The following ELL variants were observed in gnomAD, a reference collection of about 807,000 sequenced individuals.
The protein encoded by ELL is RNA polymerase II elongation factor ELL.
A neutral mutation model predicts 64.0 loss-of-function variants in ELL; 18 were observed. The ratio of observed to expected loss-of-function variants is 0.28; its 90% confidence interval spans 0.19 to 0.42. The LOEUF (loss-of-function observed/expected upper bound fraction) is 0.42, where lower values mean the gene tolerates loss of function less well. Among genes scored for constraint, ELL ranks in the 10% least tolerant of loss-of-function variants. The probability of loss-of-function intolerance (pLI) is 1.00; values close to 1 mark genes in which losing one functional copy is unlikely to be tolerated. For missense variants in ELL, 797 were observed against 870.4 expected (o/e 0.92, Z 1.06); for synonymous variants, 399 against 376.2 (o/e 1.06, Z -0.70).
At chr19:18,504,455 C>A (rs1205724466) in intron 1 of ELL, among the ~76,000 whole-genome samples, 2 of 152,194 alleles carry the variant, frequency 1.3e-5, no homozygotes, top group African/African-American at 4.8e-5. Context: ...TTGCCATGTA[C>A]ATCTCATCCC....
chr19:18,494,066 T>G (rs1326332715), intron 1 of ELL, among the ~76,000 whole-genome samples: 1 of 151,986 alleles, frequency 6.6e-6, no homozygotes, highest in Non-Finnish European at 1.5e-5. Context: ...TATTCCAACC[T>G]CACTCCTCCT....
chr19:18,452,794 G>A (rs1026874141), intron 6 of ELL, among the ~76,000 whole-genome samples: 4 of 152,200 alleles, frequency 2.6e-5, no homozygotes, highest in African/African-American at 7.2e-5. Context: ...CCAGATGTGT[G>A]GCCTCAGGAG....
chr19:18,521,469 G>A (rs1378640548), intron 1 of ELL, among the ~76,000 whole-genome samples: 1 of 151,958 alleles, frequency 6.6e-6, no homozygotes, highest in East Asian at 1.9e-4. Context: ...CAGGAGGACA[G>A]ACACAGTCAC....
At chr19:18,446,042 T>C in intron 10 of ELL, 1 of 486,214 alleles carries the variant, frequency 2.1e-6, no homozygotes, top group Non-Finnish European at 3.7e-6. Flanking sequence ...GTACCCCGGC[T>C]CGCCCCCATC....
At chr19:18,509,598 T>TACACAC (rs1183127480) in intron 1 of ELL, among the ~76,000 whole-genome samples, 1,295 of 81,776 alleles carry the variant, frequency 0.016, 42 homozygotes, top group East Asian at 0.036. Context: ...CGCGCGCACA[T>TACACAC]ACACACACAC....
intron 1 of ELL, among the ~76,000 whole-genome samples, chr19:18,499,655 C>G (rs961855885): frequency 3.3e-5 from 5 of 152,120 alleles, no homozygotes; most frequent in Non-Finnish European, 5.9e-5. Flanking sequence ...TGGGAATAAC[C>G]CCATCCTCCC....
At chr19:18,509,598 TACACACACAC>T (rs1183127480) in intron 1 of ELL, among the ~76,000 whole-genome samples, 6,041 of 81,756 alleles carry the variant, frequency 0.074, 268 homozygotes, top group South Asian at 0.11. Flanking sequence ...CGCGCGCACA[TACACACACAC>T]ACACACACAC....
chr19:18,473,149 T>C (rs1975100257), intron 1 of ELL: 1 of 674,130 alleles, frequency 1.5e-6, no homozygotes, highest in East Asian at 2.8e-5. Flanking sequence ...GGCAACAGGC[T>C]GGCGGAAGGC....
chr19:18,472,161 A>G (rs1201852916), intron 2 of ELL, among the ~76,000 whole-genome samples: 2 of 151,998 alleles, frequency 1.3e-5, no homozygotes, highest in African/African-American at 4.8e-5. Flanking sequence ...GCGTTTCTCT[A>G]CGTTGGTCAG....
rs765676443 is a variant in ELL, at chr19:18,462,334, G to GGTGTGTGTGTGT, written c.470-483_470-482insACACACACACAC. Among the ~76,000 whole-genome samples the GGTGTGTGTGTGT allele has an allele frequency of 1.1e-3, 99 of 90,558 alleles. 4 individuals carry two copies. The highest frequency in any genetic ancestry group is 6.8e-3 in the African/African-American group (96 of 14,218). The allele number at this position is 90,558 out of a possible 152,430, so 59.4% of individuals were successfully genotyped here. A position where few individuals can be genotyped will look rare whatever the true frequency, so the allele number is the denominator to read the frequency against. ...TGAAATCACCTGATCACTCTAGTGG[G>GGTGTGTGTGTGT]CTGTGTGTGTGTGTGTGTGTGTGTG... On this transcript the variant is annotated intron_variant, in intron 4 of 11. Transcript: ENST00000262809.
Position 18,465,447 on chromosome 19 carries a change from C to T in ELL, c.434G>A (p.Ser145Asn). 1 of 1,611,176 alleles carries T rather than the reference C, an allele frequency of 6.2e-7. No individual in the cohort carries two copies. The highest frequency in any genetic ancestry group is 8.5e-7 in the Non-Finnish European group (1 of 1,177,980). The stretch of plus-strand genomic sequence containing the variant: ...GCCTCCAGCCTTGATGACAATGGCA[C>T]TTCGGCTCCGCGTCTCCTCCTCCGC... ...AQAEEETRSR[S>N]AIVIKAGGRY... The change falls in exon 4 of 12, where the codon AGT becomes AAT. Residue 145 changes from serine (S) to asparagine (N), a missense_variant. By Grantham distance (46) the Ser-to-Asn change is conservative. Transcript: ENST00000262809.
At chr19:18,486,138 C>T (rs1292505927) in intron 1 of ELL, among the ~76,000 whole-genome samples, 1 of 152,172 alleles carries the variant, frequency 6.6e-6, no homozygotes, top group East Asian at 1.9e-4. Flanking sequence ...ACAGCACAAA[C>T]ACCCCCAGGC....
At chr19:18,447,956 A>T (rs765016434) in intron 8 of ELL, among the ~76,000 whole-genome samples, 14 of 151,796 alleles carry the variant, frequency 9.2e-5, no homozygotes, top group Admixed American at 5.9e-4. Flanking sequence ...AGCTAATTAC[A>T]AAATTTTTTT....
At position 18,450,622 on chromosome 19, in the gene ELL, G is replaced by A. The variant is rs148295522; in HGVS notation, c.1320C>T (p.His440=). The change falls in exon 8 of 12, where the codon CAC becomes CAT. Residue 440 remains histidine, a synonymous_variant. Transcript: ENST00000262809. The part of the protein sequence containing the change: ...LTDCAQPSRP[H]GSPSRSKPKK... ...TGGGCTTGCTGCGCGAGGGGCTGCCGTGTGGCCTGCTGGGCTGGGCACAGT... is the reference window on the plus strand; with the variant it reads ...TGGGCTTGCTGCGCGAGGGGCTGCCATGTGGCCTGCTGGGCTGGGCACAGT... The A allele has an allele frequency of 3.2e-5, 52 of 1,609,456 alleles. No homozygotes were observed. The highest frequency in any genetic ancestry group is 8.4e-5 in the Admixed American group (5 of 59,274).
chr19:18,458,511 C>CG (rs1657835232), intron 5 of ELL, among the ~76,000 whole-genome samples, 182 bp from the exon 6 acceptor site: 1 of 152,108 alleles, frequency 6.6e-6, no homozygotes, highest in Admixed American at 6.5e-5. Flanking sequence ...CCAGTTCCCC[C>CG]GCACACAATC....
chr19:18,466,051 C>T, intron 2 of ELL, 133 bp from the exon 3 acceptor site: 3 of 895,070 alleles, frequency 3.4e-6, no homozygotes, highest in South Asian at 5.8e-5. Context: ...CTAAAACACA[C>T]CCCTGCTCTT....
intron 1 of ELL, among the ~76,000 whole-genome samples, chr19:18,496,986 C>T (rs1376114885): frequency 1.3e-5 from 2 of 152,220 alleles, no homozygotes; most frequent in Non-Finnish European, 2.9e-5. Context: ...CAACAGATTC[C>T]TGAAAAACTA....
rs1020370089 is a variant in ELL at position 18,511,562 on chromosome 19, C to G, written c.135+10359G>C. The stretch of plus-strand genomic sequence containing the variant: ...CCATGGACAGAGGAATGGATGAGCA[C>G]GATGTGGTCCATCCACACCACAGGA... On this transcript the variant is annotated intron_variant, in intron 1 of 11. Coordinates refer to ENST00000262809, the MANE Select transcript of ELL (RefSeq NM_006532.4). 3.3e-5 allele frequency among the ~76,000 whole-genome samples: 5 copies of G among 152,152 alleles called. No homozygotes were observed. In the South Asian group the frequency reaches 1.0e-3, roughly 32 times the overall value.
intron 10 of ELL, 135 bp downstream of exon 10, chr19:18,446,174 C>T: frequency 8.9e-7 from 1 of 1,126,174 alleles, no homozygotes; most frequent in Non-Finnish European, 1.2e-6. Flanking sequence ...GCATGGAGTG[C>T]ACCAGGGGGA....
Sources: gnomAD v4.1 joint callset for allele counts (sites outside exome capture counted in the v4.1 genomes callset) on GRCh38, gnomAD v4.1.1 for gene constraint, MANE v1.5 for transcripts, NCBI Gene and HGNC (gene_info 2026-07-23, HGNC 2026-07-21) for gene names.